The following ERC2 variants were observed in gnomAD, a reference collection of about 807,000 sequenced individuals.
ERC2 encodes the protein ELKS/RAB6-interacting/CAST family member 2.
In ERC2, 42 loss-of-function variants were observed where a neutral mutation model predicts 114.8. The observed-to-expected ratio is 0.37, with a 90% CI of 0.29 to 0.47. The LOEUF (loss-of-function observed/expected upper bound fraction) is 0.47. ERC2 is among the 20% of genes least tolerant of loss of function. The pLI is 0.99. For missense variants in ERC2, 939 were observed against 1,150.7 expected (o/e 0.82, Z 2.66); for synonymous variants, 454 against 425.5 (o/e 1.07, Z -0.82).
At chr3:55,694,427 A>G (rs908344727) in intron 16 of ERC2, among the ~76,000 whole-genome samples, 5 of 152,174 alleles carry the variant, frequency 3.3e-5, no homozygotes, top group Admixed American at 2.0e-4. Context: ...AAATTCAACC[A>G]AATTTTTCTG....
rs549700430 is a variant in ERC2, at chr3:55,934,641, G to A, written c.2403+15784C>T. The stretch of plus-strand genomic sequence containing the variant: ...TGACATGCAGCCTCCCTTCTGAAAT[G>A]GGGAATGGAAAAGAAACAACATCCA... On this transcript the variant is annotated intron_variant, in intron 13 of 17. Transcript: ENST00000288221. 2.0e-5 allele frequency among the ~76,000 whole-genome samples: 3 copies of A among 152,214 alleles called. No homozygotes were observed. In the East Asian group the frequency reaches 5.8e-4, roughly 29 times the overall value.
chr3:56,281,681 T>A (rs2054359996), intron 3 of ERC2, among the ~76,000 whole-genome samples: 1 of 152,210 alleles, frequency 6.6e-6, no homozygotes, highest in Non-Finnish European at 1.5e-5. Flanking sequence ...ACATTTATTG[T>A]GCACCTACTA....
At chr3:55,654,313 A>G (rs956923977) in intron 17 of ERC2, among the ~76,000 whole-genome samples, 1 of 152,208 alleles carries the variant, frequency 6.6e-6, no homozygotes, top group Non-Finnish European at 1.5e-5. Flanking sequence ...ACACAAATCC[A>G]GTGTTGGGTG....
At chr3:55,899,321 G>A (rs1293572189) in intron 13 of ERC2, among the ~76,000 whole-genome samples, 4 of 151,972 alleles carry the variant, frequency 2.6e-5, no homozygotes, top group African/African-American at 4.8e-5. Flanking sequence ...TTTCCCAGAC[G>A]AATTTACTCT....
intron 2 of ERC2, among the ~76,000 whole-genome samples, chr3:56,420,671 G>A (rs962435657): frequency 1.3e-5 from 2 of 151,334 alleles, no homozygotes; most frequent in African/African-American, 4.9e-5. Flanking sequence ...AGATCACGAG[G>A]TCAGGAGATC....
intron 16 of ERC2, among the ~76,000 whole-genome samples, chr3:55,684,175 A>G (rs2062206296): frequency 6.6e-6 from 1 of 152,226 alleles, no homozygotes; most frequent in Admixed American, 6.5e-5. Flanking sequence ...TTTTTTGGAA[A>G]GCATGCAATC....
At chr3:56,351,973 TG>T (rs1229299220) in intron 2 of ERC2, among the ~76,000 whole-genome samples, 3 of 152,178 alleles carry the variant, frequency 2.0e-5, no homozygotes, top group Non-Finnish European at 4.4e-5. Context: ...GAAGGCTTCT[TG>T]GATGTGACAT....
At chr3:56,107,078 T>C (rs1016703168) in intron 6 of ERC2, among the ~76,000 whole-genome samples, 9 of 152,134 alleles carry the variant, frequency 5.9e-5, no homozygotes, top group Admixed American at 5.9e-4. Flanking sequence ...GAGGATATGA[T>C]ACTGGGTCTG....
intron 17 of ERC2, among the ~76,000 whole-genome samples, chr3:55,621,735 G>T (rs1316107232): frequency 2.0e-5 from 3 of 152,180 alleles, no homozygotes; most frequent in Non-Finnish European, 4.4e-5. Flanking sequence ...AGAATTCCTA[G>T]TCTGGGCCTT....
chr3:55,578,881 A>G (rs2057118247), intron 17 of ERC2, among the ~76,000 whole-genome samples: 1 of 152,072 alleles, frequency 6.6e-6, no homozygotes, highest in Non-Finnish European at 1.5e-5. Flanking sequence ...CCTCTCATCT[A>G]CCAGCAGGCT....
chr3:56,018,511 G>A (rs2073463271), intron 8 of ERC2, among the ~76,000 whole-genome samples: 1 of 152,106 alleles, frequency 6.6e-6, no homozygotes, highest in South Asian at 2.1e-4. Context: ...GAGAAATGGG[G>A]GATGAGGCTG....
chr3:55,930,232 C>A (rs886333822), intron 13 of ERC2, among the ~76,000 whole-genome samples: 11 of 151,962 alleles, frequency 7.2e-5, no homozygotes, highest in Admixed American at 1.3e-4. Flanking sequence ...GAGTGAGACT[C>A]CGTCTCAAGA....
At chr3:55,643,868 A>G (rs2060287510) in intron 17 of ERC2, among the ~76,000 whole-genome samples, 1 of 152,252 alleles carries the variant, frequency 6.6e-6, no homozygotes, top group South Asian at 2.1e-4. Context: ...AATGCAAAGC[A>G]GCTTTCACTA....
intron 6 of ERC2, among the ~76,000 whole-genome samples, chr3:56,124,053 A>C (rs958712640): frequency 1.3e-5 from 2 of 152,184 alleles, no homozygotes; most frequent in Admixed American, 6.5e-5. Flanking sequence ...CAGAATCAGG[A>C]AGTACCAAAC....
chr3:56,095,924 T>C (rs2078039126), intron 6 of ERC2, among the ~76,000 whole-genome samples: 2 of 152,176 alleles, frequency 1.3e-5, no homozygotes, highest in South Asian at 4.1e-4. Context: ...GAGTAATGGC[T>C]GCAAGTCGGA....
intron 17 of ERC2, among the ~76,000 whole-genome samples, chr3:55,639,779 T>A (rs909842546): frequency 6.6e-6 from 1 of 152,216 alleles, no homozygotes; most frequent in Admixed American, 6.5e-5. Flanking sequence ...TATGTGTGCG[T>A]GTGGGCACAC....
chr3:56,359,861 G>C (rs1421929314), intron 2 of ERC2, among the ~76,000 whole-genome samples: 1 of 149,648 alleles, frequency 6.7e-6, no homozygotes, highest in Non-Finnish European at 1.5e-5. Flanking sequence ...AAAACTAACA[G>C]AGTGAGAACT....
At chr3:55,920,658 C>A (rs1267958124) in intron 13 of ERC2, among the ~76,000 whole-genome samples, 1 of 152,080 alleles carries the variant, frequency 6.6e-6, no homozygotes, top group Non-Finnish European at 1.5e-5. Flanking sequence ...CCCTTTAGTG[C>A]TTCTTTATCT....
intron 3 of ERC2, among the ~76,000 whole-genome samples, chr3:56,276,464 A>AAAAAAAAAAAAAAAC (rs2053999763): frequency 6.6e-6 from 1 of 150,980 alleles, no homozygotes; most frequent in Non-Finnish European, 1.5e-5. Context: ...TCAGCTAAAA[A>AAAAAAAAAAAAAAAC]AAAAAAAAAA....
Sources: allele counts gnomAD v4.1 joint callset (sites outside exome capture counted in the v4.1 genomes callset), GRCh38; gene constraint gnomAD v4.1.1; transcripts MANE v1.5; gene names NCBI Gene and HGNC (gene_info 2026-07-23, HGNC 2026-07-21).